HSPG2: variants seen among roughly 807,000 people sequenced by gnomAD.
The protein encoded by HSPG2 is heparan sulfate proteoglycan 2.
Under a neutral mutation model 526.6 loss-of-function variants are expected in HSPG2, and 278 were observed. The observed-to-expected ratio is 0.53, with a 90% confidence interval of 0.48 to 0.58. HSPG2 has a LOEUF of 0.58. HSPG2 is among the 20% of genes least tolerant of loss of function. The pLI is 0.00. For missense variants in HSPG2, 5,354 were observed against 6,099.5 expected (o/e 0.88, Z 4.07); for synonymous variants, 2,465 against 2,555.4 (o/e 0.96, Z 1.07).
rs1382726506 is a variant in HSPG2 at position 21,887,749 on chromosome 1, A to G, written c.704-75T>C. ...CTGCTCCTTGTCCCCAACCCTCCCC[A>G]GGCCCACCCTGTACTCCCCAACACC... On this transcript the variant is annotated intron_variant, in intron 7 of 96. Coordinates refer to ENST00000374695, the MANE Select transcript of HSPG2 (RefSeq NM_005529.7). This position sits in a 1 kb window ranked among gnomAD's most constrained non-coding sequence, Gnocchi z 5.0. 19 of 1,534,940 alleles carry G rather than the reference A, an allele frequency of 1.2e-5. 1 individual carries two copies. In the South Asian group the frequency reaches 1.9e-4, roughly 15 times the overall value.
chr1:21,833,878 A>G lies in HSPG2; in HGVS notation c.10768T>C (p.Ser3590Pro). The change falls in exon 78 of 97, where the codon TCT becomes CCT. Residue 3590 changes from serine (S) to proline (P), a missense_variant. Coordinates refer to ENST00000374695, the MANE Select transcript of HSPG2 (RefSeq NM_005529.7). ...MPQEVRVPAG[S>P]AAVFPCIASG... ...GCTATGCAGGGGAAGACAGCTGCAGAACCAGCAGGCACACGGACTTCTTGG... is the reference window on the plus strand; with the variant it reads ...GCTATGCAGGGGAAGACAGCTGCAGGACCAGCAGGCACACGGACTTCTTGG... 1 of 1,603,260 alleles carries G rather than the reference A, an allele frequency of 6.2e-7. No homozygotes were observed. The highest frequency in any genetic ancestry group is 8.5e-7 in the Non-Finnish European group (1 of 1,174,794).
At chr1:21,873,877 G>A in intron 29 of HSPG2, 48 bp downstream of exon 29, 1 of 1,489,154 alleles carries the variant, frequency 6.7e-7, no homozygotes, top group South Asian at 1.2e-5. Flanking sequence ...AGGATTCCAG[G>A]GACACCCCCT....
intron 81 of HSPG2, 34 bp downstream of exon 81, chr1:21,832,461 G>T: frequency 6.5e-7 from 1 of 1,528,200 alleles, no homozygotes; most frequent in Non-Finnish European, 9.1e-7. Context: ...CCTGTGTCCA[G>T]TCCCCCTGTA....
intron 91 of HSPG2, 129 bp downstream of exon 91, chr1:21,827,734 A>T (rs2097982678): frequency 3.9e-6 from 4 of 1,038,382 alleles, no homozygotes; most frequent in Non-Finnish European, 5.8e-6. Context: ...TGTGGTCTTC[A>T]TTCTGTCTCT....
intron 1 of HSPG2, among the ~76,000 whole-genome samples, chr1:21,930,153 A>G (rs1313230664): frequency 2.6e-5 from 4 of 151,960 alleles, no homozygotes; most frequent in African/African-American, 9.7e-5. Flanking sequence ...TTCCACAGAC[A>G]TGCCAAGGAC....
rs761872191 is a variant in HSPG2 at position 21,846,250 on chromosome 1, G to T, written c.8322C>A (p.Arg2774=). Residue 2774 remains arginine (R), a synonymous_variant, in exon 64 of 97, where the codon CGC becomes CGA. Transcript: ENST00000374695. ...CATGGTGCAGCCGCAGCCGTGAGCC[G>T]CGGGTCTGAATAGGGGACAGGACAG... The part of the protein sequence containing the change: ...GGSLPSHHQT[R]GSRLRLHHVS... 21 of 1,612,934 alleles carry T rather than the reference G, an allele frequency of 1.3e-5. No individual in the cohort carries two copies. Among genetic ancestry groups the T allele is most frequent in the Admixed American group, 1.7e-5 (1 of 59,992 alleles).
rs909331938 is a variant in HSPG2, at chr1:21,925,336, C to A, written c.63+11819G>T. On this transcript the variant is annotated intron_variant, in intron 1 of 96. Coordinates refer to ENST00000374695, the MANE Select transcript of HSPG2 (RefSeq NM_005529.7). ...ACAGGGCTGTTGAAACAACACAACGCGGGACCTGGATGTAGATTTCATCTC... is the reference window on the plus strand; with the variant it reads ...ACAGGGCTGTTGAAACAACACAACGAGGGACCTGGATGTAGATTTCATCTC... Among the ~76,000 whole-genome samples the A allele has an allele frequency of 3.3e-5, 5 of 152,182 alleles. 1 individual carries two copies. The South Asian group carries it at 1.0e-3, about 32-fold the overall frequency.
Position 21,862,754 on chromosome 1 carries a change from C to A in HSPG2, c.4741-639G>T, listed in dbSNP as rs1008568001. On this transcript the variant is annotated intron_variant, in intron 37 of 96. Transcript: ENST00000374695. ...TGATAGCAAAGGAAAGGTATACACT[C>A]AGGTATTTGGGGGCAGAGCATTAAA... 7.2e-5 allele frequency among the ~76,000 whole-genome samples: 11 copies of A among 152,134 alleles called. No individual in the cohort carries two copies. The East Asian group carries it at 2.1e-3, about 29-fold the overall frequency.
Position 21,848,116 on chromosome 1 carries a change from G to A in HSPG2, c.7738-23C>T. Reference sequence around the variant, plus strand: ...GATCTGCAGGAAGCAGATGGCAGGAGGTATGGCAGTAGGTGTGGGCAGCTC... The same window carrying A: ...GATCTGCAGGAAGCAGATGGCAGGAAGTATGGCAGTAGGTGTGGGCAGCTC... On this transcript the variant is annotated intron_variant, in intron 59 of 96. Coordinates refer to ENST00000374695, the MANE Select transcript of HSPG2 (RefSeq NM_005529.7). The surrounding 1 kb of genome is among the most constrained non-coding windows in gnomAD (Gnocchi z 4.9). 1.3e-6 allele frequency: 2 copies of A among 1,563,478 alleles called. No individual in the cohort carries two copies. The highest frequency in any genetic ancestry group is 1.7e-6 in the Non-Finnish European group (2 of 1,155,144).
chr1:21,859,530 C>A lies in HSPG2; in HGVS notation c.5293+36G>T. ...CTGCAGCCTGCAGCCCAGCCCAGGA[C>A]AGGCAGTCTTGGTTACAGGGGGCGT... is the stretch of plus-strand genomic sequence containing the variant. On this transcript the variant is annotated intron_variant, in intron 42 of 96. Transcript: ENST00000374695. The surrounding 1 kb of genome is among the most constrained non-coding windows in gnomAD (Gnocchi z 5.3). 6.8e-7 allele frequency: 1 copy of A among 1,479,468 alleles called. No homozygotes were observed. The highest frequency in any genetic ancestry group is 1.7e-4 in the Middle Eastern group (1 of 5,862). The allele number at this position is 1,479,468 out of a possible 1,614,324, so 91.6% of individuals were successfully genotyped here.
At chr1:21,833,775 G>T in intron 78 of HSPG2, 41 bp downstream of exon 78, 1 of 1,526,370 alleles carries the variant, frequency 6.6e-7, no homozygotes, top group Non-Finnish European at 8.9e-7. Context: ...TCTGTTCCCA[G>T]CCCCCAAGTC....
chr1:21,832,439 C>A (rs1423652646), intron 81 of HSPG2, 56 bp downstream of exon 81: 27 of 1,440,490 alleles, frequency 1.9e-5, no homozygotes, highest in South Asian at 1.4e-4. Flanking sequence ...GTAGCACTTG[C>A]CAGACCAAAG....
intron 95 of HSPG2, 153 bp from the exon 96 acceptor site, chr1:21,823,872 G>A (rs1265202659): frequency 4.0e-6 from 3 of 754,586 alleles, no homozygotes; most frequent in Non-Finnish European, 4.5e-6. Context: ...ACGAGAGATC[G>A]GGCCCCACAA....
At chr1:21,852,663 C>T (rs760681072) in intron 52 of HSPG2, 37 bp downstream of exon 52, 8 of 1,612,312 alleles carry the variant, frequency 5.0e-6, no homozygotes, top group Non-Finnish European at 6.8e-6. Flanking sequence ...GGCCTCTCTG[C>T]CTCCTCCAGC....
intron 19 of HSPG2, 22 bp downstream of exon 19, chr1:21,878,555 A>G: frequency 2.5e-6 from 4 of 1,613,966 alleles, no homozygotes; most frequent in Non-Finnish European, 3.4e-6. Flanking sequence ...CCCTTCCTGC[A>G]GCCCCCAAGG....
At chr1:21,916,265 A>T (rs1643886644) in intron 1 of HSPG2, among the ~76,000 whole-genome samples, 1 of 151,058 alleles carries the variant, frequency 6.6e-6, no homozygotes, top group African/African-American at 2.4e-5. Flanking sequence ...ACTTTGGGAG[A>T]CCGAGGCGGG....
intron 1 of HSPG2, chr1:21,908,331 A>G (rs1323318120): frequency 4.8e-6 from 5 of 1,033,342 alleles, no homozygotes; most frequent in Non-Finnish European, 7.5e-6. Context: ...TTGTAAACAA[A>G]CAAGTTAAGG....
Position 21,822,599 on chromosome 1 carries a change from G to A in HSPG2, c.*717C>T. The A allele has an allele frequency of 3.8e-6, 1 of 261,770 alleles. No homozygotes were observed. The highest frequency in any genetic ancestry group is 4.5e-5 in the Admixed American group (1 of 22,330). 16.2% of individuals were successfully genotyped at this position (261,770 alleles called of 1,614,324 possible). A position where few individuals can be genotyped will look rare whatever the true frequency, so the allele number is the denominator to read the frequency against. On this transcript the variant is annotated 3_prime_UTR_variant, in exon 97 of 97. Coordinates refer to ENST00000374695, the MANE Select transcript of HSPG2 (RefSeq NM_005529.7). Reference sequence around the variant, plus strand: ...GTGGGCGGGGCCCTATCAGTGCTGGGCTCTGCCTGTAGCAGCTCCTGGTAA... The same window carrying A: ...GTGGGCGGGGCCCTATCAGTGCTGGACTCTGCCTGTAGCAGCTCCTGGTAA...
intron 67 of HSPG2, 38 bp from the exon 68 acceptor site, chr1:21,842,418 TC>T (rs1247396377): frequency 3.9e-6 from 6 of 1,553,886 alleles, no homozygotes; most frequent in Non-Finnish European, 4.4e-6. Context: ...CAGGGCAAAG[TC>T]CCCAGGACAA....
Sources: gnomAD v4.1 joint callset for allele counts (sites outside exome capture counted in the v4.1 genomes callset) on GRCh38, gnomAD v4.1.1 for gene constraint, Gnocchi (gnomAD v3.1) non-coding constraint, MANE v1.5 for transcripts, NCBI Gene and HGNC (gene_info 2026-07-23, HGNC 2026-07-21) for gene names.